Variants in IL34 observed in about 807,000 individuals in gnomAD.
IL34 encodes interleukin 34.
In IL34, 17 loss-of-function variants were observed where a neutral mutation model predicts 25.3. The ratio of observed to expected loss-of-function variants is 0.67; its 90% CI spans 0.46 to 1.01. The LOEUF is 1.01. Among genes scored for constraint, IL34 ranks in the 50% least tolerant of loss-of-function variants. The probability of loss-of-function intolerance (pLI) is 0.00; values close to 1 mark genes in which losing one functional copy is unlikely to be tolerated. For synonymous variants in IL34, 174 were observed against 140.9 expected (o/e 1.23, Z -1.66); for missense variants, 368 against 312.9 (o/e 1.18, Z -1.33).
chr16:70,599,191 G>T (rs1397147324), intron 1 of IL34, among the ~76,000 whole-genome samples: 1 of 152,184 alleles, frequency 6.6e-6, no homozygotes, highest in African/African-American at 2.4e-5. Flanking sequence ...GTGAAATTCT[G>T]CTGGCAAGCA....
At chr16:70,599,120 C>T (rs1465925717) in intron 1 of IL34, among the ~76,000 whole-genome samples, 1 of 152,190 alleles carries the variant, frequency 6.6e-6, no homozygotes, top group African/African-American at 2.4e-5. Context: ...GTGCTCTATC[C>T]TGTTTTGTCT....
At chr16:70,605,136 C>G (rs1346131371) in intron 1 of IL34, among the ~76,000 whole-genome samples, 1 of 151,604 alleles carries the variant, frequency 6.6e-6, no homozygotes, top group Non-Finnish European at 1.5e-5. Context: ...AGATCTGACT[C>G]CCTGGAGATC....
upstream of IL34, among the ~76,000 whole-genome samples, chr16:70,641,683 T>C (rs12919974): frequency 0.55 from 83,793 of 151,288 alleles, 25,960 homozygotes; most frequent in African/African-American, 0.85. Flanking sequence ...CTTCCCACCT[T>C]AGCCTCCCTA....
chr16:70,652,626 T>C (rs1386373955), intron 1 of IL34, among the ~76,000 whole-genome samples: 3 of 152,250 alleles, frequency 2.0e-5, no homozygotes, highest in South Asian at 2.1e-4. Flanking sequence ...TGCATTATTA[T>C]GGAACGTCTA....
At chr16:70,652,866 T>G (rs2052114888) in intron 1 of IL34, among the ~76,000 whole-genome samples, 1 of 152,222 alleles carries the variant, frequency 6.6e-6, no homozygotes, top group South Asian at 2.1e-4. Flanking sequence ...AGCACTTGTC[T>G]CACTACTTGG....
chr16:70,612,663 A>G (rs2051107921), intron 1 of IL34, among the ~76,000 whole-genome samples: 1 of 152,254 alleles, frequency 6.6e-6, no homozygotes, highest in South Asian at 2.1e-4. Flanking sequence ...TTTGACAGGT[A>G]TAAAGTGAGT....
intron 1 of IL34, among the ~76,000 whole-genome samples, chr16:70,607,266 T>TG (rs2051020607): frequency 6.6e-6 from 1 of 152,098 alleles, no homozygotes; most frequent in Admixed American, 6.5e-5. Context: ...CACACCCAGC[T>TG]AATTTTTTTG....
intron 1 of IL34, among the ~76,000 whole-genome samples, chr16:70,592,658 T>A (rs4985535): frequency 6.6e-6 from 1 of 152,220 alleles, no homozygotes; most frequent in Non-Finnish European, 1.5e-5. Flanking sequence ...GTTTATTTTT[T>A]CTTTTTCTTT....
upstream of IL34, among the ~76,000 whole-genome samples, chr16:70,643,132 G>C (rs546123015): frequency 1.3e-5 from 2 of 152,014 alleles, no homozygotes; most frequent in Admixed American, 6.5e-5. Flanking sequence ...GGACTACCTC[G>C]GCTCACTGCA....
At chr16:70,641,505 C>G (rs1306752816) in intron 1 of IL34, among the ~76,000 whole-genome samples, 2 of 99,444 alleles carry the variant, frequency 2.0e-5, no homozygotes, top group Non-Finnish European at 3.6e-5. Context: ...CTTTCCCTCC[C>G]TCTCTCCCTC....
At chr16:70,628,469 TTTTATTTA>T (rs765080002) in intron 1 of IL34, among the ~76,000 whole-genome samples, 5 of 150,018 alleles carry the variant, frequency 3.3e-5, no homozygotes, top group South Asian at 4.2e-4. Context: ...GTGGGTTTGT[TTTTATTTA>T]TTTATTTATT....
intron 1 of IL34, among the ~76,000 whole-genome samples, chr16:70,628,905 G>A (rs2051457098): frequency 1.3e-5 from 2 of 150,354 alleles, no homozygotes; most frequent in African/African-American, 4.9e-5. Flanking sequence ...CTTCCACCTC[G>A]GCCTCCCGAG....
chr16:70,648,320 C>T lies in IL34; in HGVS notation c.28+1345C>T, dbSNP rs796542440. Among the ~76,000 whole-genome samples the T allele has an allele frequency of 2.0e-4, 31 of 152,032 alleles. 1 individual carries two copies. The highest frequency in any genetic ancestry group is 6.8e-4 in the African/African-American group (28 of 41,478). ...CCCGTGATCCCAGCACTGTGGGAGG[C>T]CAAGGCAGGAGGACGGCTTGAGGCC... is the stretch of plus-strand genomic sequence containing the variant. On this transcript the variant is annotated intron_variant, in intron 1 of 5. Transcript: ENST00000288098.
chr16:70,611,454 C>T (rs192929890), intron 1 of IL34, among the ~76,000 whole-genome samples: 37 of 152,220 alleles, frequency 2.4e-4, no homozygotes, highest in African/African-American at 8.4e-4. Context: ...AAAAGCCTGA[C>T]CTCTTTGCCT....
chr16:70,593,511 TTTG>T (rs974336146), intron 1 of IL34, among the ~76,000 whole-genome samples: 27 of 151,884 alleles, frequency 1.8e-4, no homozygotes, highest in Admixed American at 9.9e-4. Context: ...TAGTACCTAG[TTTG>T]TTGTTGTTGT....
intron 1 of IL34, among the ~76,000 whole-genome samples, chr16:70,647,378 G>A (rs866242062): frequency 2.1e-4 from 32 of 152,340 alleles, no homozygotes; most frequent in Middle Eastern, 6.8e-3. Context: ...CAAGACCCAC[G>A]GCAGAAGAGC....
chr16:70,624,758 G>T (rs1305425717), intron 1 of IL34, among the ~76,000 whole-genome samples: 1 of 152,016 alleles, frequency 6.6e-6, no homozygotes, highest in Non-Finnish European at 1.5e-5. Context: ...GTGTGAGGAG[G>T]GGAGGTGATA....
chr16:70,647,603 C>G (rs1330486108), intron 1 of IL34, among the ~76,000 whole-genome samples: 1 of 152,198 alleles, frequency 6.6e-6, no homozygotes, highest in Admixed American at 6.5e-5. Context: ...TCAATTGACT[C>G]AAATTCAACA....
At chr16:70,646,169 C>T (rs2051923576), upstream of IL34, among the ~76,000 whole-genome samples, 1 of 152,104 alleles carries the variant, frequency 6.6e-6, no homozygotes, top group Non-Finnish European at 1.5e-5. Flanking sequence ...CTTGGCCTCC[C>T]AAAGTGCTGG....
Sources: allele counts gnomAD v4.1 joint callset (sites outside exome capture counted in the v4.1 genomes callset), GRCh38; gene constraint gnomAD v4.1.1; transcripts MANE v1.5; gene names NCBI Gene and HGNC (gene_info 2026-07-23, HGNC 2026-07-21).